IQGAP1: variants seen among roughly 807,000 people sequenced by gnomAD.
The protein encoded by IQGAP1 is ras GTPase-activating-like protein IQGAP1.
Under a neutral mutation model 215.6 loss-of-function variants are expected in IQGAP1, and 66 were observed. The ratio of observed to expected loss-of-function variants is 0.31; its 90% CI spans 0.25 to 0.38. IQGAP1 has a LOEUF of 0.38. IQGAP1 is among the 10% of genes least tolerant of loss of function. The pLI is 1.00. For missense variants in IQGAP1, 1,712 were observed against 1,997.1 expected, an observed-to-expected ratio of 0.86 and a Z score of 2.72; for synonymous variants, 772 against 728.7, an observed-to-expected ratio of 1.06 and a Z score of -0.96.
intron 15 of IQGAP1, among the ~76,000 whole-genome samples, chr15:90,460,145 G>A (rs1965741501): frequency 6.6e-6 from 1 of 152,168 alleles, no homozygotes; most frequent in South Asian, 2.1e-4. Flanking sequence ...ATAGAGTGAA[G>A]TGGAAGCAAG....
intron 15 of IQGAP1, among the ~76,000 whole-genome samples, chr15:90,462,002 A>AAG (rs1555439598): frequency 4.0e-4 from 58 of 143,442 alleles, no homozygotes; most frequent in African/African-American, 1.4e-3. Flanking sequence ...AAAAAAAAGA[A>AAG]AAAAAAAAAA....
chr15:90,402,248 G>A (rs1964814852), intron 2 of IQGAP1, among the ~76,000 whole-genome samples: 3 of 152,166 alleles, frequency 2.0e-5, no homozygotes, highest in African/African-American at 7.2e-5. Flanking sequence ...CCTGGTATCT[G>A]CTTTGAATTC....
chr15:90,493,577 C>T (rs768477655), intron 35 of IQGAP1, among the ~76,000 whole-genome samples: 2 of 152,184 alleles, frequency 1.3e-5, no homozygotes, highest in Non-Finnish European at 2.9e-5. Context: ...AATCTCAGAT[C>T]GAATGAATAG....
intron 18 of IQGAP1, among the ~76,000 whole-genome samples, chr15:90,468,726 G>C (rs528268387): frequency 1.3e-5 from 2 of 152,246 alleles, no homozygotes; most frequent in Admixed American, 1.3e-4. Flanking sequence ...AGCTACTTGG[G>C]AGGATGAGGC....
At chr15:90,446,726 GGCCATTGATGCTGC>G (rs1454508364) in intron 9 of IQGAP1, among the ~76,000 whole-genome samples, 1 of 152,164 alleles carries the variant, frequency 6.6e-6, no homozygotes, top group Non-Finnish European at 1.5e-5. Context: ...ACAGCAATGA[GGCCATTGATGCTGC>G]CCCAGGAGAA....
chr15:90,390,516 G>A (rs944931813), intron 1 of IQGAP1, among the ~76,000 whole-genome samples: 1 of 152,196 alleles, frequency 6.6e-6, no homozygotes, highest in Non-Finnish European at 1.5e-5. Context: ...AAAATCTCAA[G>A]ACAGTATTTT....
chr15:90,469,409 T>C (rs1469651863), intron 18 of IQGAP1, among the ~76,000 whole-genome samples: 2 of 152,252 alleles, frequency 1.3e-5, no homozygotes, highest in South Asian at 2.1e-4. Flanking sequence ...AGATGGGTGA[T>C]TTCTACCTTG....
At position 90,415,309 on chromosome 15, in the gene IQGAP1, T is replaced by C. The variant is rs538576886; in HGVS notation, c.156-10801T>C. On this transcript the variant is annotated intron_variant, in intron 2 of 37. Transcript: ENST00000268182. The stretch of plus-strand genomic sequence containing the variant: ...TTCAAGTGTTTAAAATGTATATACA[T>C]GTAAAGATTATGGAATATTGTTAGC... Among the ~76,000 whole-genome samples the C allele has an allele frequency of 9.8e-4, 149 of 152,362 alleles. 1 individual carries two copies. The highest frequency in any genetic ancestry group is 3.4e-3 in the African/African-American group (142 of 41,592).
At chr15:90,435,555 G>A (rs962289776) in intron 5 of IQGAP1, among the ~76,000 whole-genome samples, 1 of 152,238 alleles carries the variant, frequency 6.6e-6, no homozygotes, top group African/African-American at 2.4e-5. Context: ...GTTTGGCTTA[G>A]TGTTGCATGA....
chr15:90,447,659 C>T (rs915456668), intron 9 of IQGAP1, among the ~76,000 whole-genome samples: 23 of 152,088 alleles, frequency 1.5e-4, no homozygotes, highest in African/African-American at 5.3e-4. Context: ...TAGTGGCTAT[C>T]ATTTCTGAAA....
rs145911247 is a variant in IQGAP1 at position 90,395,381 on chromosome 15, C to T, written c.155+4508C>T. Among the ~76,000 whole-genome samples the T allele has an allele frequency of 3.0e-3, 460 of 151,772 alleles. 4 individuals are homozygous for T. Among genetic ancestry groups the T allele is most frequent in the African/African-American group, 0.011 (445 of 41,370 alleles). The stretch of plus-strand genomic sequence containing the variant: ...TGTCGCCCGGGCCAGAGTGCAATGA[C>T]GCTATCTCGGCTCACTGCAAGCTCC... On this transcript the variant is annotated intron_variant, in intron 2 of 37. Transcript: ENST00000268182.
chr15:90,490,963 A>G (rs980394580), intron 33 of IQGAP1, among the ~76,000 whole-genome samples: 5 of 152,120 alleles, frequency 3.3e-5, no homozygotes. Flanking sequence ...CACTCGCCCC[A>G]TGCTCGGCTA....
intron 1 of IQGAP1, among the ~76,000 whole-genome samples, chr15:90,389,954 CAAAA>C (rs5814431): frequency 8.1e-4 from 101 of 125,184 alleles, no homozygotes; most frequent in African/African-American, 1.1e-3. Flanking sequence ...GACCCTGTCT[CAAAA>C]AAAAAAAAAA....
chr15:90,471,717 C>G (rs1023518447), intron 18 of IQGAP1, among the ~76,000 whole-genome samples: 1 of 151,934 alleles, frequency 6.6e-6, no homozygotes, highest in Non-Finnish European at 1.5e-5. Flanking sequence ...TCAGGCTGGT[C>G]TCGAACTCCT....
chr15:90,486,765 T>C, intron 31 of IQGAP1, 189 bp from the exon 32 acceptor site: 1 of 593,834 alleles, frequency 1.7e-6, no homozygotes, highest in Non-Finnish European at 3.0e-6. Context: ...TATGGAGTTA[T>C]TATGGATCCC....
chr15:90,462,301 G>T (rs904375494), intron 15 of IQGAP1, among the ~76,000 whole-genome samples: 1 of 152,238 alleles, frequency 6.6e-6, no homozygotes, highest in East Asian at 1.9e-4. Context: ...TTAGGACATT[G>T]AAATTCTTTT....
intron 34 of IQGAP1, 121 bp from the exon 35 acceptor site, chr15:90,492,419 TAAAAA>T (rs56724183): frequency 1.0e-3 from 381 of 370,780 alleles, no homozygotes; most frequent in African/African-American, 4.2e-3. Context: ...ACAGAGTGTC[TAAAAA>T]AAAAAAAAAA....
chr15:90,479,901 G>A (rs1282599145), intron 26 of IQGAP1, among the ~76,000 whole-genome samples: 3 of 152,106 alleles, frequency 2.0e-5, no homozygotes, highest in African/African-American at 7.2e-5. Flanking sequence ...TGCAATACTT[G>A]TCTGGGAAGT....
chr15:90,394,305 A>C (rs907105705), intron 2 of IQGAP1, among the ~76,000 whole-genome samples: 1 of 151,992 alleles, frequency 6.6e-6, no homozygotes, highest in Non-Finnish European at 1.5e-5. Flanking sequence ...GCAATCATAA[A>C]ACTGGGTGTG....
Sources: gnomAD v4.1 joint callset for allele counts (sites outside exome capture counted in the v4.1 genomes callset) on GRCh38, gnomAD v4.1.1 for gene constraint, MANE v1.5 for transcripts, NCBI Gene and HGNC (gene_info 2026-07-23, HGNC 2026-07-21) for gene names.